The following B4GALNT3 variants were observed in gnomAD, a reference collection of about 807,000 sequenced individuals.
The protein encoded by B4GALNT3 is beta-1,4-N-acetyl-galactosaminyltransferase 3, also known as beta-1,4-N-acetylgalactosaminyltransferase 3.
Under a neutral mutation model 120.2 loss-of-function variants are expected in B4GALNT3, and 86 were observed. The observed-to-expected ratio is 0.72, with a 90% CI of 0.60 to 0.86. The LOEUF is 0.86. Ranked by LOEUF, B4GALNT3 falls within the 40% of genes least tolerant of loss-of-function variation. The pLI is 0.00. For missense variants in B4GALNT3, 1,167 were observed against 1,298.9 expected (o/e 0.90, Z 1.56); for synonymous variants, 518 against 510.4 (o/e 1.01, Z -0.20).
chr12:534,868 G>T (rs1263546674), intron 1 of B4GALNT3, among the ~76,000 whole-genome samples: 1 of 152,208 alleles, frequency 6.6e-6, no homozygotes, highest in East Asian at 1.9e-4. Context: ...GAGGCAGCCG[G>T]GGGAGAACGA....
At chr12:555,257 GT>G (rs1947139020) in intron 14 of B4GALNT3, 1 of 441,118 alleles carries the variant, frequency 2.3e-6, no homozygotes, top group Non-Finnish European at 4.6e-6. Flanking sequence ...CCTACCCCCA[GT>G]AGTGTCTGGC....
intron 11 of B4GALNT3, 32 bp downstream of exon 11, chr12:551,063 G>A (rs1205592648): frequency 2.6e-6 from 4 of 1,535,346 alleles, no homozygotes; most frequent in South Asian, 1.1e-5. Flanking sequence ...TGGAGAGCAG[G>A]GCTGGCAGAG....
chr12:490,581 T>G (rs1946331319), intron 1 of B4GALNT3, among the ~76,000 whole-genome samples: 2 of 152,044 alleles, frequency 1.3e-5, no homozygotes, highest in Admixed American at 1.3e-4. Context: ...AATACAAAAA[T>G]TATCTGGGCA....
Position 561,975 on chromosome 12 carries a change from T to G in B4GALNT3, c.*524T>G, listed in dbSNP as rs1027127972. 6.6e-6 allele frequency: 1 copy of G among 152,476 alleles called. No homozygotes were observed. Among genetic ancestry groups the G allele is most frequent in the Non-Finnish European group, 1.5e-5 (1 of 68,138 alleles). 9.4% of individuals were successfully genotyped at this position (152,476 alleles called of 1,614,324 possible). On this transcript the variant is annotated 3_prime_UTR_variant, in exon 20 of 20. Transcript: ENST00000266383. ...CGCCCACTCCTATGTCCCTTGGGCG[T>G]TGTCCCTGGCCGCGGGACTGGTCCC...
intron 4 of B4GALNT3, 143 bp downstream of exon 4, chr12:544,577 G>T: frequency 1.3e-6 from 1 of 766,554 alleles, no homozygotes; most frequent in Non-Finnish European, 2.1e-6. Context: ...GCCCATAATA[G>T]TTCCCTTGTT....
At chr12:489,888 A>G (rs1180261022) in intron 1 of B4GALNT3, among the ~76,000 whole-genome samples, 1 of 152,220 alleles carries the variant, frequency 6.6e-6, no homozygotes, top group African/African-American at 2.4e-5. Context: ...TAACAAATAC[A>G]AAAGAATAGA....
chr12:489,998 G>A (rs370211878), intron 1 of B4GALNT3, among the ~76,000 whole-genome samples: 1 of 152,186 alleles, frequency 6.6e-6, no homozygotes, highest in African/African-American at 2.4e-5. Context: ...ATTTAAAAAT[G>A]TGCTTTCGAA....
At position 551,914 on chromosome 12, in the gene B4GALNT3, G is replaced by A. The variant is rs562606423; in HGVS notation, c.1108-149G>A. ...CCATCTGCATCACCACGTTTCATTC[G>A]GCGCTCAGAGCAACCCTTCTCTCCC... On this transcript the variant is annotated intron_variant, in intron 11 of 19. Coordinates refer to ENST00000266383, the MANE Select transcript of B4GALNT3 (RefSeq NM_173593.4). The A allele has an allele frequency of 4.5e-4, 299 of 659,786 alleles. 4 individuals are homozygous for A. In the South Asian group the frequency reaches 4.8e-3, roughly 11 times the overall value. 40.9% of individuals were successfully genotyped at this position (659,786 alleles called of 1,614,324 possible).
At chr12:470,881 G>A (rs1405633617) in intron 1 of B4GALNT3, among the ~76,000 whole-genome samples, 1 of 151,946 alleles carries the variant, frequency 6.6e-6, no homozygotes, top group Non-Finnish European at 1.5e-5. Flanking sequence ...TGGGATTACA[G>A]GCATGTGTCA....
At chr12:514,197 TG>T (rs374839597) in intron 1 of B4GALNT3, among the ~76,000 whole-genome samples, 26 of 126,792 alleles carry the variant, frequency 2.1e-4, no homozygotes, top group African/African-American at 1.6e-4. Flanking sequence ...TGTCCGTTTT[TG>T]TTTTTTTTTT....
chr12:501,185 T>C (rs887700271), intron 1 of B4GALNT3, among the ~76,000 whole-genome samples: 2 of 152,174 alleles, frequency 1.3e-5, no homozygotes, highest in African/African-American at 4.8e-5. Flanking sequence ...CACTTTTTAC[T>C]TGGCTAAGTA....
chr12:552,292 T>TACACACACACACACACAC (rs10604398), intron 12 of B4GALNT3, 129 bp downstream of exon 12: 515 of 627,088 alleles, frequency 8.2e-4, no homozygotes, highest in African/African-American at 7.5e-3. Flanking sequence ...TCCTGAGTAC[T>TACACACACACACACACAC]ACACACACAC....
At chr12:526,506 G>C (rs555723110) in intron 1 of B4GALNT3, among the ~76,000 whole-genome samples, 2 of 152,298 alleles carry the variant, frequency 1.3e-5, no homozygotes, top group East Asian at 3.9e-4. Flanking sequence ...AGGTCCATGG[G>C]CTCCGGCCAG....
At chr12:545,821 C>T (rs78897593) in intron 6 of B4GALNT3, among the ~76,000 whole-genome samples, 9 of 18,274 alleles carry the variant, frequency 4.9e-4, no homozygotes, top group Admixed American at 1.3e-3. Context: ...TGGGGAGGAG[C>T]GAGGAGTGGG....
chr12:540,215 CG>C (rs1282418130), intron 3 of B4GALNT3, among the ~76,000 whole-genome samples: 1 of 152,194 alleles, frequency 6.6e-6, no homozygotes, highest in Non-Finnish European at 1.5e-5. Context: ...CTCTGAACCT[CG>C]TACCTCTGCC....
In B4GALNT3 at chr12:550,921, G is replaced by C. The variant is rs1158548519; in HGVS notation, c.998-1G>C. 2 of 1,608,956 alleles carry C rather than the reference G, an allele frequency of 1.2e-6. No homozygotes were observed. The highest frequency in any genetic ancestry group is 1.3e-5 in the African/African-American group (1 of 74,832). ...CACTCCTCCTCCTCCACTGTCCTCA[G>C]TGCCTCTGATCCCCAAGTCGCATCT... On this transcript the variant is annotated splice_acceptor_variant, in intron 10 of 19. Transcript: ENST00000266383. LOFTEE classifies it high-confidence loss of function. The surrounding 1 kb of genome is among the most constrained non-coding windows in gnomAD (Gnocchi z 4.1).
intron 19 of B4GALNT3, among the ~76,000 whole-genome samples, chr12:560,956 G>C (rs1332260220): frequency 6.6e-6 from 1 of 152,240 alleles, no homozygotes; most frequent in Non-Finnish European, 1.5e-5. Flanking sequence ...CTGGGCGCCA[G>C]TTATGGGGCA....
At chr12:552,442 A>G (rs766221536) in intron 12 of B4GALNT3, 25 bp from the exon 13 acceptor site, 18 of 1,610,914 alleles carry the variant, frequency 1.1e-5, no homozygotes, top group Admixed American at 5.0e-5. Flanking sequence ...CCGGGTGCCA[A>G]TGCACACCTC....
At chr12:514,259 G>A (rs60309576) in intron 1 of B4GALNT3, among the ~76,000 whole-genome samples, 35,441 of 148,572 alleles carry the variant, frequency 0.24, 4,514 homozygotes, top group South Asian at 0.3. Flanking sequence ...GTGCAGTGGC[G>A]CGATCTTGGC....
Sources: gnomAD v4.1 joint callset for allele counts (sites outside exome capture counted in the v4.1 genomes callset) on GRCh38, gnomAD v4.1.1 for gene constraint, Gnocchi (gnomAD v3.1) non-coding constraint, MANE v1.5 for transcripts, NCBI Gene and HGNC (gene_info 2026-07-23, HGNC 2026-07-21) for gene names.